The following ORC6 variants were observed in gnomAD, a reference collection of about 807,000 sequenced individuals.
ORC6 encodes the protein origin recognition complex, subunit 6 homolog-like (yeast).
A neutral mutation model predicts 30.0 loss-of-function variants in ORC6; 31 were observed. The observed-to-expected ratio is 1.03, with a 90% CI of 0.78 to 1.40. ORC6 has a LOEUF of 1.40. Among genes scored for constraint, ORC6 ranks in the 40% most tolerant of loss-of-function variants. The probability of loss-of-function intolerance (pLI) is 0.00; values close to 1 mark genes in which losing one functional copy is unlikely to be tolerated. For missense variants in ORC6, 340 were observed against 304.3 expected, an observed-to-expected ratio of 1.12 and a Z score of -0.87; for synonymous variants, 136 against 111.2, an observed-to-expected ratio of 1.22 and a Z score of -1.40.
chr16:46,697,423 G>A, intron 6 of ORC6, 35 bp from the exon 7 acceptor site: 3 of 1,586,844 alleles, frequency 1.9e-6, no homozygotes, highest in Non-Finnish European at 2.6e-6. Context: ...TCTAAGCTAA[G>A]AATTTTGAAA....
In ORC6 at chr16:46,698,160, TATAGATAGATAG is replaced by T. The variant is rs568119196; in HGVS notation, c.*586_*597del. ...CCAGCCTGGGTGACAGAGCGAGACT[TATAGATAGATAG>T]ATAGATAGATGGATAGATAGATAGA... On this transcript the variant is annotated 3_prime_UTR_variant, in exon 7 of 7. Coordinates refer to ENST00000219097, the MANE Select transcript of ORC6 (RefSeq NM_014321.4). 1 of 368,720 alleles carries T rather than the reference TATAGATAGATAG, an allele frequency of 2.7e-6. No individual in the cohort carries two copies. The highest frequency in any genetic ancestry group is 3.0e-5 in the African/African-American group (1 of 33,884). 22.8% of individuals were successfully genotyped at this position (368,720 alleles called of 1,614,324 possible). A position where few individuals can be genotyped will look rare whatever the true frequency, so the allele number is the denominator to read the frequency against.
rs372249150 is a variant in ORC6 at position 46,698,275 on chromosome 16, T to C, written c.*690T>C. The stretch of plus-strand genomic sequence containing the variant: ...GCAGTCCCTTGTCTTATTCAGAATA[T>C]AAAATTCAGTCTGAATGGCATCTTA... On this transcript the variant is annotated 3_prime_UTR_variant, in exon 7 of 7. Transcript: ENST00000219097. The C allele has an allele frequency of 2.7e-4, 123 of 454,932 alleles. No homozygotes were observed. The highest frequency in any genetic ancestry group is 2.1e-3 in the African/African-American group (104 of 50,092). 28.2% of individuals were successfully genotyped at this position (454,932 alleles called of 1,614,324 possible). A position where few individuals can be genotyped will look rare whatever the true frequency, so the allele number is the denominator to read the frequency against.
chr16:46,691,760 T>C (rs1350302110), intron 2 of ORC6, among the ~76,000 whole-genome samples: 1 of 152,200 alleles, frequency 6.6e-6, no homozygotes, highest in Non-Finnish European at 1.5e-5. Context: ...GCTTTGAAAA[T>C]GCAATACCTT....
intron 1 of ORC6, 102 bp downstream of exon 1, chr16:46,689,872 G>A: frequency 6.9e-7 from 1 of 1,443,352 alleles, no homozygotes. Context: ...GCGGGGGAGT[G>A]ACGGGGAGCG....
In ORC6 at chr16:46,695,808, T is replaced by A. The variant is rs1397337595; in HGVS notation, c.562+134T>A. 1.2e-5 allele frequency: 9 copies of A among 761,076 alleles called. No individual in the cohort carries two copies. In the Admixed American group the frequency reaches 1.4e-4, roughly 12 times the overall value. 47.1% of individuals were successfully genotyped at this position (761,076 alleles called of 1,614,324 possible). On this transcript the variant is annotated intron_variant, in intron 5 of 6. Transcript: ENST00000219097. ...TACATGTGGACCAGGTATGTTTTTA[T>A]TGATGTTTCTAACCTATGATTCCAT...
Position 46,691,076 on chromosome 16 carries a change from T to C in ORC6, c.151T>C (p.Cys51Arg), listed in dbSNP as rs762791509. 1 of 1,614,114 alleles carries C rather than the reference T, an allele frequency of 6.2e-7. No homozygotes were observed. Among genetic ancestry groups the C allele is most frequent in the Non-Finnish European group, 8.5e-7 (1 of 1,180,022 alleles). The change falls in exon 2 of 7, where the codon TGC becomes CGC. Residue 51 changes from cysteine (C) to arginine (R), a missense_variant. Transcript: ENST00000219097. ...CACGGAGACCAGCAGTGCAGTCATG[T>C]GCCTGGACCTTGCAGCTTCCTGGAT... ...RTTETSSAVMCLDLAASWMKC... is the reference protein window; with the variant it reads ...RTTETSSAVMRLDLAASWMKC...
chr16:46,689,783 G>A lies in ORC6; in HGVS notation c.65+13G>A, dbSNP rs1294691455. On this transcript the variant is annotated intron_variant, in intron 1 of 6. Transcript: ENST00000219097. ...CCGACATGCTGAGGTGAGTTCGGCC[G>A]CGCAAGACCAGGGCTGGGCTTCCGC... 3.8e-6 allele frequency: 6 copies of A among 1,585,300 alleles called. No individual in the cohort carries two copies. In the East Asian group the frequency reaches 9.1e-5, roughly 24 times the overall value.
chr16:46,693,620 T>A lies in ORC6; in HGVS notation c.449+438T>A, dbSNP rs533768959. On this transcript the variant is annotated intron_variant, in intron 4 of 6. Transcript: ENST00000219097. ...TTCAAGACTAGCCTAGACAGCATAA[T>A]AAGACCCCAATCTCTTAAGAAAAAA... is the stretch of plus-strand genomic sequence containing the variant. 14 of 162,220 alleles carry A rather than the reference T, an allele frequency of 8.6e-5. No homozygotes were observed. In the South Asian group the frequency reaches 2.2e-3, roughly 26 times the overall value. The allele number at this position is 162,220 out of a possible 1,614,324, so 10.0% of individuals were successfully genotyped here. A position where few individuals can be genotyped will look rare whatever the true frequency, so the allele number is the denominator to read the frequency against.
At position 46,689,752 on chromosome 16, in the gene ORC6, C is replaced by A. The variant is rs943347568; in HGVS notation, c.47C>A (p.Ala16Asp). The change falls in exon 1 of 7, where the codon GCC becomes GAC. Residue 16 changes from alanine to aspartate, a missense_variant. By Grantham distance (126) the Ala-to-Asp change is moderately radical. Transcript: ENST00000219097. The stretch of plus-strand genomic sequence containing the variant: ...CGCCTAGCCCCGCGCCTGGGCCTCG[C>A]CGAGCCCGACATGCTGAGGTGAGTT... ...IGRLAPRLGL[A>D]EPDMLRKAEE... The A allele has an allele frequency of 1.3e-6, 2 of 1,598,586 alleles. No homozygotes were observed. The highest frequency in any genetic ancestry group is 1.7e-5 in the Admixed American group (1 of 58,176).
chr16:46,692,563 C>A lies in ORC6; in HGVS notation c.359+18C>A. The A allele has an allele frequency of 6.2e-7, 1 of 1,608,712 alleles. No individual in the cohort carries two copies. The highest frequency in any genetic ancestry group is 8.5e-7 in the Non-Finnish European group (1 of 1,175,906). ...CTAAAAAGGTATGGGGCATAGAGAA[C>A]CTTAATTGAAAATGTATACCAATAG... On this transcript the variant is annotated intron_variant, in intron 3 of 6. Transcript: ENST00000219097.
chr16:46,692,435 T>C lies in ORC6; in HGVS notation c.249T>C (p.Leu83=), dbSNP rs765526371. Residue 83 remains leucine (L), a synonymous_variant, in exon 3 of 7, where the codon CTT becomes CTC. Transcript: ENST00000219097. ...ACAAGGAGACATATCAGAGCTGTCT[T>C]AAATCTTTTGAGTGTTTACTGGGCC... is the stretch of plus-strand genomic sequence containing the variant. ...GLNKETYQSC[L]KSFECLLGLN... 14 of 1,613,756 alleles carry C rather than the reference T, an allele frequency of 8.7e-6. No individual in the cohort carries two copies. Among genetic ancestry groups the C allele is most frequent in the Non-Finnish European group, 1.0e-5 (12 of 1,179,734 alleles).
chr16:46,698,171 AGATAGATAGATG>A lies in ORC6; in HGVS notation c.*598_*609del, dbSNP rs760053253. ...GACAGAGCGAGACTTATAGATAGAT[AGATAGATAGATG>A]GATAGATAGATAGATAGATAGATAG... On this transcript the variant is annotated 3_prime_UTR_variant, in exon 7 of 7. Coordinates refer to ENST00000219097, the MANE Select transcript of ORC6 (RefSeq NM_014321.4). 13 of 425,516 alleles carry A rather than the reference AGATAGATAGATG, an allele frequency of 3.1e-5. No homozygotes were observed. The highest frequency in any genetic ancestry group is 1.5e-4 in the Admixed American group (6 of 40,024). The allele number at this position is 425,516 out of a possible 1,614,324, so 26.4% of individuals were successfully genotyped here. A position where few individuals can be genotyped will look rare whatever the true frequency, so the allele number is the denominator to read the frequency against.
chr16:46,689,797 C>T (rs1217907492), intron 1 of ORC6, 27 bp downstream of exon 1: 1 of 1,568,982 alleles, frequency 6.4e-7, no homozygotes, highest in Non-Finnish European at 8.6e-7. Flanking sequence ...AAGACCAGGG[C>T]TGGGCTTCCG....
chr16:46,692,117 A>G (rs764914049), intron 2 of ORC6, among the ~76,000 whole-genome samples: 1 of 151,912 alleles, frequency 6.6e-6, no homozygotes, highest in Non-Finnish European at 1.5e-5. Flanking sequence ...TTTTGACTAT[A>G]TTAATATTGT....
At chr16:46,692,585 A>C in intron 3 of ORC6, 40 bp downstream of exon 3, 1 of 1,573,536 alleles carries the variant, frequency 6.4e-7, no homozygotes, top group Non-Finnish European at 8.7e-7. Flanking sequence ...ATGTATACCA[A>C]TAGGCCGGGC....
chr16:46,695,222 T>C (rs576913255), intron 4 of ORC6: 1 of 281,914 alleles, frequency 3.5e-6, no homozygotes, highest in South Asian at 3.6e-5. Flanking sequence ...AATATAAATA[T>C]CCTGTGAGTT....
intron 2 of ORC6, 138 bp downstream of exon 2, chr16:46,691,258 T>C (rs1966434446): frequency 3.5e-6 from 3 of 849,704 alleles, no homozygotes; most frequent in Non-Finnish European, 5.8e-6. Flanking sequence ...CTGGAAATAC[T>C]GTAGAATCAT....
chr16:46,690,199 G>T (rs1165741063), intron 1 of ORC6, among the ~76,000 whole-genome samples: 1 of 152,206 alleles, frequency 6.6e-6, no homozygotes, highest in Non-Finnish European at 1.5e-5. Flanking sequence ...CCTAGCGGCT[G>T]CCTTTAACAC....
chr16:46,692,296 T>C (rs1445105535), intron 2 of ORC6, 86 bp from the exon 3 acceptor site: 5 of 1,149,580 alleles, frequency 4.3e-6, no homozygotes, highest in Admixed American at 1.8e-5. Context: ...TGAAAAGTTA[T>C]ACTGCTTATT....
Sources: allele counts gnomAD v4.1 joint callset (sites outside exome capture counted in the v4.1 genomes callset), GRCh38; gene constraint gnomAD v4.1.1; transcripts MANE v1.5; gene names NCBI Gene and HGNC (gene_info 2026-07-23, HGNC 2026-07-21).